The following UBE4B variants were observed in gnomAD, a reference collection of about 807,000 sequenced individuals.
The protein encoded by UBE4B is ubiquitination factor E4B, also known as ubiquitin conjugation factor E4 B.
Under a neutral mutation model 148.1 loss-of-function variants are expected in UBE4B, and 27 were observed. The ratio of observed to expected loss-of-function variants is 0.18; its 90% CI spans 0.13 to 0.25. The LOEUF is 0.25. UBE4B is among the 10% of genes least tolerant of loss of function. The pLI, the probability that UBE4B is intolerant of heterozygous loss-of-function variation, is 1.00. For missense variants in UBE4B, 1,170 were observed against 1,662.4 expected (o/e 0.70, Z 5.15); for synonymous variants, 596 against 619.3 (o/e 0.96, Z 0.56).
intron 10 of UBE4B, among the ~76,000 whole-genome samples, chr1:10,124,479 C>T (rs1645460824): frequency 1.3e-5 from 2 of 152,170 alleles, no homozygotes; most frequent in African/African-American, 4.8e-5. Context: ...TGAACCACAG[C>T]GCCTGGCCCA....
intron 8 of UBE4B, 98 bp downstream of exon 8, chr1:10,117,698 GC>G: frequency 3.6e-6 from 5 of 1,382,902 alleles, no homozygotes; most frequent in Non-Finnish European, 3.8e-6. Flanking sequence ...AATCAGTAAA[GC>G]AATTATTGAG....
chr1:10,065,495 G>T (rs1644370422), intron 1 of UBE4B, among the ~76,000 whole-genome samples: 1 of 152,192 alleles, frequency 6.6e-6, no homozygotes, highest in Non-Finnish European at 1.5e-5. Context: ...TCCCCACGCT[G>T]CAGGGGTAGT....
At chr1:10,173,683 G>C (rs1006378454) in intron 25 of UBE4B, among the ~76,000 whole-genome samples, 2 of 152,138 alleles carry the variant, frequency 1.3e-5, no homozygotes, top group East Asian at 1.9e-4. Flanking sequence ...GCCAGAGGTC[G>C]GTGTGGAAAG....
At chr1:10,059,505 C>T in intron 1 of UBE4B, 1 of 216,986 alleles carries the variant, frequency 4.6e-6, no homozygotes, top group South Asian at 8.3e-5. Flanking sequence ...CGGAAGGGGC[C>T]ATCATGGAGC....
intron 1 of UBE4B, among the ~76,000 whole-genome samples, chr1:10,051,059 T>C (rs1032437911): frequency 1.3e-5 from 2 of 152,142 alleles, no homozygotes; most frequent in Non-Finnish European, 2.9e-5. Flanking sequence ...CAGGCTGGAG[T>C]GCAGTGGCAT....
At chr1:10,057,814 C>A (rs1036509509) in intron 1 of UBE4B, among the ~76,000 whole-genome samples, 3 of 151,748 alleles carry the variant, frequency 2.0e-5, no homozygotes, top group Middle Eastern at 3.2e-3. Context: ...GTATTTTGTG[C>A]TTTATTTTTG....
chr1:10,124,897 A>G (rs1278273954), intron 10 of UBE4B, among the ~76,000 whole-genome samples: 2 of 151,972 alleles, frequency 1.3e-5, no homozygotes, highest in Non-Finnish European at 2.9e-5. Context: ...AGGCCGAGGC[A>G]GGTGGATCGC....
At chr1:10,078,145 G>A (rs1644615624) in intron 2 of UBE4B, among the ~76,000 whole-genome samples, 3 of 151,972 alleles carry the variant, frequency 2.0e-5, no homozygotes, top group Non-Finnish European at 2.9e-5. Flanking sequence ...AGTAGCTGGG[G>A]TTACAGGTGC....
At chr1:10,125,921 A>C (rs1222705135) in intron 10 of UBE4B, among the ~76,000 whole-genome samples, 2 of 152,018 alleles carry the variant, frequency 1.3e-5, no homozygotes, top group Non-Finnish European at 1.5e-5. Context: ...TCTTTGCTCT[A>C]ATTTAAGTTT....
chr1:10,154,667 C>T (rs765871261), intron 21 of UBE4B, among the ~76,000 whole-genome samples: 2 of 152,108 alleles, frequency 1.3e-5, no homozygotes, highest in Admixed American at 6.5e-5. Context: ...GGTGAAACCC[C>T]GTCTCTACTA....
At chr1:10,175,567 C>T (rs1186230207) in intron 25 of UBE4B, among the ~76,000 whole-genome samples, 8 of 151,998 alleles carry the variant, frequency 5.3e-5, no homozygotes, top group South Asian at 2.1e-4. Context: ...AGGAGAATGG[C>T]GTGAACCTGG....
chr1:10,117,782 C>T (rs1383496044), intron 8 of UBE4B, among the ~76,000 whole-genome samples, 182 bp downstream of exon 8: 2 of 152,164 alleles, frequency 1.3e-5, no homozygotes, highest in African/African-American at 2.4e-5. Flanking sequence ...TCCCTGCCCT[C>T]GTGGAACTCA....
At chr1:10,173,391 A>C (rs1646366560) in intron 25 of UBE4B, among the ~76,000 whole-genome samples, 1 of 151,676 alleles carries the variant, frequency 6.6e-6, no homozygotes, top group African/African-American at 2.4e-5. Context: ...CTGAGGCAGG[A>C]GAATGGCGTG....
chr1:10,107,328 G>A (rs896679629), intron 7 of UBE4B: 2 of 1,288,576 alleles, frequency 1.6e-6, no homozygotes, highest in South Asian at 2.5e-5. Context: ...TGATGATGAA[G>A]GTGGTGGTGG....
At chr1:10,102,514 G>A (rs181129664) in intron 4 of UBE4B, among the ~76,000 whole-genome samples, 1 of 143,980 alleles carries the variant, frequency 6.9e-6, no homozygotes, top group East Asian at 2.1e-4. Context: ...GGGTTCAAGC[G>A]ATTCTCCTGC....
Position 10,161,212 on chromosome 1 carries a change from C to A in UBE4B, c.3124C>A (p.Leu1042Met). The change falls in exon 23 of 28, where the codon CTG becomes ATG. Residue 1042 changes from leucine (L) to methionine (M), a missense_variant. By Grantham distance (15) the Leu-to-Met change is conservative. Around this residue, in one of 6 missense-constraint regions of UBE4B, gnomAD observed 348 missense variants for 627.2 expected, o/e 0.55. Transcript: ENST00000343090. This position sits in a 1 kb window ranked among gnomAD's most constrained non-coding sequence, Gnocchi z 4.1. ...CACGACGTTTTTGCTCGATGAAAGT[C>A]TGGAGTCTCTGAAGCGAATCCATGA... Reference protein sequence around the residue: ...NDTTFLLDESLESLKRIHEVQ... With the variant: ...NDTTFLLDESMESLKRIHEVQ... The A allele has an allele frequency of 6.2e-7, 1 of 1,614,114 alleles. No homozygotes were observed. Among genetic ancestry groups the A allele is most frequent in the South Asian group, 1.1e-5 (1 of 91,080 alleles).
intron 7 of UBE4B, chr1:10,107,410 G>T (rs769225770): frequency 1.6e-6 from 2 of 1,264,434 alleles, no homozygotes; most frequent in South Asian, 1.3e-5. Context: ...CTGCATGTGC[G>T]TAGATGCTTA....
At chr1:10,162,587 C>T (rs146820409) in intron 23 of UBE4B, among the ~76,000 whole-genome samples, 4,946 of 150,518 alleles carry the variant, frequency 0.033, 121 homozygotes, top group South Asian at 0.075. Context: ...GGACTACAGG[C>T]GTGAGTCACC....
At chr1:10,099,759 GGACA>G in intron 3 of UBE4B, among the ~76,000 whole-genome samples, 1 of 152,040 alleles carries the variant, frequency 6.6e-6, no homozygotes, top group East Asian at 1.9e-4. Flanking sequence ...TATTGGCCAG[GGACA>G]GACAAATTGT....
Sources: gnomAD v4.1 joint callset for allele counts (sites outside exome capture counted in the v4.1 genomes callset) on GRCh38, gnomAD v4.1.1 for gene constraint, gnomAD v4.1.1 regional missense constraint, Gnocchi (gnomAD v3.1) non-coding constraint, MANE v1.5 for transcripts, NCBI Gene and HGNC (gene_info 2026-07-23, HGNC 2026-07-21) for gene names.